Variants in NR2F1-AS1 observed in about 807,000 individuals in gnomAD.
NR2F1-AS1 encodes NR2F1 antisense RNA 1.
chr5:93,576,245 A>C (rs1490345651), intron 1 of NR2F1-AS1, among the ~76,000 whole-genome samples: 1 of 152,230 alleles, frequency 6.6e-6, no homozygotes, highest in Non-Finnish European at 1.5e-5. Flanking sequence ...GGGTAACAAT[A>C]AAACATAGAA....
At chr5:93,481,737 A>C (rs1750604153) in intron 4 of NR2F1-AS1, among the ~76,000 whole-genome samples, 1 of 152,150 alleles carries the variant, frequency 6.6e-6, no homozygotes, top group Non-Finnish European at 1.5e-5. Flanking sequence ...ATGAAGCTAG[A>C]AATAAATAAA....
At chr5:93,565,276 C>A (rs953163611) in intron 1 of NR2F1-AS1, among the ~76,000 whole-genome samples, 5 of 152,112 alleles carry the variant, frequency 3.3e-5, no homozygotes, top group African/African-American at 1.2e-4. Flanking sequence ...AGAAAGACAG[C>A]AGAGACCATA....
chr5:93,554,588 T>C (rs944834462), intron 3 of NR2F1-AS1, among the ~76,000 whole-genome samples: 1 of 152,160 alleles, frequency 6.6e-6, no homozygotes, highest in Non-Finnish European at 1.5e-5. Context: ...AGAAATTAGA[T>C]TAACAACTTA....
At chr5:93,506,838 C>T (rs886475970) in intron 4 of NR2F1-AS1, among the ~76,000 whole-genome samples, 3 of 151,990 alleles carry the variant, frequency 2.0e-5, no homozygotes, top group Non-Finnish European at 2.9e-5. Context: ...ATAATCTCAA[C>T]GTGGCAAAAA....
At chr5:93,580,296 C>T (rs550417440) in intron 1 of NR2F1-AS1, among the ~76,000 whole-genome samples, 3 of 152,266 alleles carry the variant, frequency 2.0e-5, no homozygotes, top group African/African-American at 7.2e-5. Context: ...GAGACAGAGG[C>T]CGAGCGAGGG....
intron 1 of NR2F1-AS1, among the ~76,000 whole-genome samples, chr5:93,580,005 G>C (rs1384128265): frequency 6.6e-6 from 1 of 152,236 alleles, no homozygotes; most frequent in African/African-American, 2.4e-5. Flanking sequence ...GCCAGGTTCA[G>C]GCCGTAACCA....
intron 4 of NR2F1-AS1, among the ~76,000 whole-genome samples, chr5:93,478,785 T>C (rs866668842): frequency 6.6e-5 from 10 of 152,256 alleles, no homozygotes; most frequent in African/African-American, 2.2e-4. Context: ...GAACAGTTTA[T>C]AAATATTTAT....
At chr5:93,569,613 T>C (rs866637438) in intron 1 of NR2F1-AS1, among the ~76,000 whole-genome samples, 9 of 152,308 alleles carry the variant, frequency 5.9e-5, no homozygotes, top group Admixed American at 3.9e-4. Flanking sequence ...GGAGTCAGTC[T>C]GTTCCTGATA....
At chr5:93,504,339 A>C (rs1751142678) in intron 4 of NR2F1-AS1, among the ~76,000 whole-genome samples, 1 of 152,224 alleles carries the variant, frequency 6.6e-6, no homozygotes, top group South Asian at 2.1e-4. Flanking sequence ...ACATGAACAT[A>C]TTCAAGATAT....
chr5:93,466,101 A>G (rs1443770043), intron 4 of NR2F1-AS1, among the ~76,000 whole-genome samples: 1 of 152,106 alleles, frequency 6.6e-6, no homozygotes, highest in Non-Finnish European at 1.5e-5. Context: ...GTTACTAGCT[A>G]GAGGAAGCTA....
intron 4 of NR2F1-AS1, among the ~76,000 whole-genome samples, chr5:93,487,982 G>A (rs1750762212): frequency 6.6e-6 from 1 of 152,092 alleles, no homozygotes; most frequent in African/African-American, 2.4e-5. Context: ...ACAAAAACAA[G>A]CAATGTGGAA....
intron 4 of NR2F1-AS1, among the ~76,000 whole-genome samples, chr5:93,523,717 T>G (rs926655798): frequency 1.3e-5 from 2 of 152,162 alleles, no homozygotes; most frequent in Admixed American, 1.3e-4. Context: ...AAACAGGATC[T>G]GGAATAGACA....
upstream of NR2F1-AS1, chr5:93,580,865 G>C (rs1753010487): frequency 6.6e-6 from 1 of 152,322 alleles, no homozygotes. Flanking sequence ...GCTACCCCCA[G>C]TCGCCTCCTC....
intron 1 of NR2F1-AS1, chr5:93,571,181 C>A (rs1752757784): frequency 6.6e-6 from 1 of 151,432 alleles, no homozygotes; most frequent in South Asian, 2.1e-4. Context: ...GGCCTGAAGG[C>A]CTGGGGCCTT....
rs1554065118 is a variant in NR2F1-AS1 at position 93,466,909 on chromosome 5, G to GT, written n.639-71368_639-71367insA. On this transcript the variant is annotated intron_variant and non_coding_transcript_variant, in intron 4 of 5. Coordinates refer to ENST00000660523, the Ensembl canonical transcript of NR2F1-AS1. ...TCTCCAGAATATCCCTTTTTTGGGG[G>GT]GGGGGGGGGTGGACGGAGTCTCACT... Among the ~76,000 whole-genome samples the GT allele has an allele frequency of 2.0e-3, 278 of 136,794 alleles. 11 individuals are homozygous for GT. The highest frequency in any genetic ancestry group is 7.2e-3 in the African/African-American group (269 of 37,108). 89.7% of individuals were successfully genotyped at this position (136,794 alleles called of 152,430 possible).
intron 4 of NR2F1-AS1, among the ~76,000 whole-genome samples, chr5:93,545,725 A>C (rs1383653183): frequency 6.6e-6 from 1 of 152,206 alleles, no homozygotes; most frequent in African/African-American, 2.4e-5. Context: ...GCACCTACTT[A>C]ACCTACTCTT....
chr5:93,445,313 T>C (rs1354682583), intron 4 of NR2F1-AS1, among the ~76,000 whole-genome samples: 1 of 151,716 alleles, frequency 6.6e-6, no homozygotes, highest in Non-Finnish European at 1.5e-5. Flanking sequence ...GCAAGACTAA[T>C]AAAGAGAAAA....
Position 93,579,904 on chromosome 5 carries a change from C to T in NR2F1-AS1, n.313+563G>A, listed in dbSNP as rs1460488347. Among the ~76,000 whole-genome samples the T allele has an allele frequency of 1.3e-5, 2 of 152,200 alleles. No individual in the cohort carries two copies. The highest frequency in any genetic ancestry group is 2.9e-5 in the Non-Finnish European group (2 of 68,028). ...GTCCCTTTTAATCCGCTGACACTAT[C>T]GCCCACATCAGACAGGCAGCCATCG... On this transcript the variant is annotated intron_variant and non_coding_transcript_variant, in intron 1 of 5. Transcript: ENST00000660523. The surrounding 1 kb of genome is among the most constrained non-coding windows in gnomAD (Gnocchi z 5.1).
chr5:93,548,035 T>C (rs945653918), intron 4 of NR2F1-AS1, among the ~76,000 whole-genome samples: 5 of 152,226 alleles, frequency 3.3e-5, no homozygotes, highest in South Asian at 2.1e-4. Flanking sequence ...ATTTTATTTA[T>C]ACTGGACATC....
Sources: allele counts gnomAD v4.1 joint callset (sites outside exome capture counted in the v4.1 genomes callset), GRCh38; gene constraint gnomAD v4.1.1; non-coding constraint Gnocchi (gnomAD v3.1); transcripts MANE v1.5; gene names NCBI Gene and HGNC (gene_info 2026-07-23, HGNC 2026-07-21).